The following CLUH variants were observed in gnomAD, a reference collection of about 807,000 sequenced individuals.
CLUH encodes clustered mitochondria protein homolog.
CLUH carries 77 observed loss-of-function variants against 139.3 expected under a neutral mutation model. The ratio of observed to expected loss-of-function variants is 0.55; its 90% CI spans 0.46 to 0.67. The LOEUF (loss-of-function observed/expected upper bound fraction) is 0.67. Among genes scored for constraint, CLUH ranks in the 30% least tolerant of loss-of-function variants. The pLI, the probability that CLUH is intolerant of heterozygous loss-of-function variation, is 0.00. For synonymous variants in CLUH, 999 were observed against 801.6 expected (o/e 1.25, Z -4.16); for missense variants, 1,876 against 1,875.8 (o/e 1.00, Z 0.00).
intron 13 of CLUH, chr17:2,695,871 A>T (rs2069921029): frequency 1.7e-6 from 1 of 579,014 alleles, no homozygotes; most frequent in Non-Finnish European, 3.1e-6. Flanking sequence ...GAGGAGGAGG[A>T]GGATGGGCAG....
At chr17:2,690,878 ATTC>A (rs2069598782) in intron 25 of CLUH, 101 bp from the exon 26 acceptor site, 1 of 907,044 alleles carries the variant, frequency 1.1e-6, no homozygotes, top group Non-Finnish European at 1.5e-6. Flanking sequence ...TCTGCGCTCT[ATTC>A]AGTGGGGAAT....
chr17:2,690,399 T>C lies in CLUH; in HGVS notation c.*195A>G, dbSNP rs887826695. The C allele has an allele frequency of 1.6e-5, 7 of 447,564 alleles. No homozygotes were observed. The highest frequency in any genetic ancestry group is 2.7e-5 in the Non-Finnish European group (7 of 257,314). 27.7% of individuals were successfully genotyped at this position (447,564 alleles called of 1,614,324 possible). A position where few individuals can be genotyped will look rare whatever the true frequency, so the allele number is the denominator to read the frequency against. On this transcript the variant is annotated 3_prime_UTR_variant, in exon 26 of 26. Transcript: ENST00000651024. ...TCCAATGGGGCCTCTGCATCATCTA[T>C]TCATTGAACCAGCGCAAAAACACCT...
chr17:2,711,595 GCGA>G lies in CLUH; in HGVS notation c.64_66del (p.Ser22del). 5 of 983,714 alleles carry G rather than the reference GCGA, an allele frequency of 5.1e-6. No individual in the cohort carries two copies. The highest frequency in any genetic ancestry group is 6.0e-6 in the Non-Finnish European group (5 of 829,352). 60.9% of individuals were successfully genotyped at this position (983,714 alleles called of 1,614,324 possible). On this transcript the variant is annotated inframe_deletion, in exon 1 of 26. Coordinates refer to ENST00000651024, the MANE Select transcript of CLUH (RefSeq NM_001366661.1). ...CCCGGCCGCCCCTTGCCCCCGGCCTGCGAGCCGTGTTCCCGGGCGCTGTCGGCC... is the reference window on the plus strand; with the variant it reads ...CCCGGCCGCCCCTTGCCCCCGGCCTGGCCGTGTTCCCGGGCGCTGTCGGCC...
rs1246142527 is a variant in CLUH, at chr17:2,704,371, G to C, written c.294C>G (p.Phe98Leu). Residue 98 changes from phenylalanine to leucine, a missense_variant, in exon 2 of 26, where the codon TTC (phenylalanine) becomes TTG (leucine). Transcript: ENST00000651024. This position sits in a 1 kb window ranked among gnomAD's most constrained non-coding sequence, Gnocchi z 5.7. ...VKILAPGIEPFSLQVSPQEMV... is the reference protein window; with the variant it reads ...VKILAPGIEPLSLQVSPQEMV... ...CGTTCCTCCATCTTACCTGCAGGGA[G>C]AAGGGCTCGATCCCAGGGGCGAGGA... The C allele has an allele frequency of 6.2e-7, 1 of 1,610,556 alleles. No individual in the cohort carries two copies. The highest frequency in any genetic ancestry group is 8.5e-7 in the Non-Finnish European group (1 of 1,178,578).
intron 16 of CLUH, 36 bp downstream of exon 16, chr17:2,694,821 A>AAACCCCCCCCCCCCCCCCCCCCCCC: frequency 2.1e-6 from 3 of 1,446,332 alleles, no homozygotes; most frequent in South Asian, 2.9e-5. Flanking sequence ...CATCTGCCCA[A>AAACCCCCCCCCCCCCCCCCCCCCCC]TCCCACCCAC....
rs2069551715 is a variant in CLUH at position 2,689,809 on chromosome 17, A to T, written c.*785T>A. 1 of 151,940 alleles carries T rather than the reference A, an allele frequency of 6.6e-6. No homozygotes were observed. The allele number at this position is 151,940 out of a possible 1,614,324, so 9.4% of individuals were successfully genotyped here. On this transcript the variant is annotated 3_prime_UTR_variant, in exon 26 of 26. Transcript: ENST00000651024. ...CTTCCCCCAGCCTCGCCCCCGGCCC[A>T]CTGTGCGTTCGGCAGCTCAGGTTAA...
At position 2,695,522 on chromosome 17, in the gene CLUH, T is replaced by C. The variant is rs2069905194; in HGVS notation, c.2396A>G (p.Lys799Arg). Residue 799 changes from lysine to arginine, a missense_variant, in exon 14 of 26, where the codon AAG becomes AGG. Lys to Arg is a conservative substitution (Grantham distance 26). Around this residue, in one of 3 missense-constraint regions of CLUH, gnomAD observed 1,454 missense variants for 1,384.4 expected, o/e 1.05. Transcript: ENST00000651024. ...CAGGACCGCGTGCTCCATGCAGTCC[T>C]TCACCTGCGGGCTGCAGCAGCTCAG... Reference protein sequence around the residue: ...LLSCQIPGLVKDCMEHAVLPV... With the variant: ...LLSCQIPGLVRDCMEHAVLPV... 21 of 1,599,374 alleles carry C rather than the reference T, an allele frequency of 1.3e-5. No homozygotes were observed. Among genetic ancestry groups the C allele is most frequent in the Non-Finnish European group, 1.6e-5 (19 of 1,177,718 alleles).
In CLUH at chr17:2,703,249, T is replaced by C. The variant is rs895173169; in HGVS notation, c.475+69A>G. 2 of 1,484,348 alleles carry C rather than the reference T, an allele frequency of 1.3e-6. No individual in the cohort carries two copies. Among genetic ancestry groups the C allele is most frequent in the Non-Finnish European group, 1.8e-6 (2 of 1,097,182 alleles). 91.9% of individuals were successfully genotyped at this position (1,484,348 alleles called of 1,614,324 possible). A position where few individuals can be genotyped will look rare whatever the true frequency, so the allele number is the denominator to read the frequency against. Reference sequence around the variant, plus strand: ...CATCCGTGACACAGGGACCCTGGCATGGATGGTGCTGCCTGCCTCTGCCTC... The same window carrying C: ...CATCCGTGACACAGGGACCCTGGCACGGATGGTGCTGCCTGCCTCTGCCTC... On this transcript the variant is annotated intron_variant, in intron 3 of 25. Transcript: ENST00000651024. The surrounding 1 kb of genome is among the most constrained non-coding windows in gnomAD (Gnocchi z 4.2).
Position 2,694,911 on chromosome 17 carries a change from A to T in CLUH, c.2798T>A (p.Leu933His), listed in dbSNP as rs2069873415. 6.3e-7 allele frequency: 1 copy of T among 1,592,430 alleles called. No homozygotes were observed. Among genetic ancestry groups the T allele is most frequent in the Admixed American group, 1.8e-5 (1 of 56,268 alleles). ...GGCCTCCTGGCAGATGTTCTTCCAGAGCTCCTGGGGGGTCATGACAGCCCA... is the reference window on the plus strand; with the variant it reads ...GGCCTCCTGGCAGATGTTCTTCCAGTGCTCCTGGGGGGTCATGACAGCCCA... Reference protein sequence around the residue: ...TAWAVMTPQELWKNICQEAKN... With the variant: ...TAWAVMTPQEHWKNICQEAKN... The change falls in exon 16 of 26, where the codon CTC (leucine) becomes CAC (histidine). Residue 933 changes from leucine (L) to histidine (H), a missense_variant. Physicochemically the swap from Leu to His is moderately conservative, Grantham distance 99 (BLOSUM62 -3). This residue lies in a region of CLUH where 1,454 missense variants were observed against 1,384.4 expected (regional missense o/e 1.05). Transcript: ENST00000651024.
chr17:2,694,124 C>G lies in CLUH; in HGVS notation c.3090G>C (p.Gln1030His), dbSNP rs754996649. 7 of 1,613,756 alleles carry G rather than the reference C, an allele frequency of 4.3e-6. No homozygotes were observed. The highest frequency in any genetic ancestry group is 5.9e-6 in the Non-Finnish European group (7 of 1,179,846). The change falls in exon 18 of 26, where the codon CAG (glutamine) becomes CAC (histidine). Residue 1030 changes from glutamine (Q) to histidine (H), a missense_variant and splice_region_variant. Coordinates refer to ENST00000651024, the MANE Select transcript of CLUH (RefSeq NM_001366661.1). ...FFQSGQAKVQQGFLKEGCELI... is the reference protein window; with the variant it reads ...FFQSGQAKVQHGFLKEGCELI... ...ACCCAGCCCCACCTGGCCACACACC[C>G]TGCTGCACTTTGGCCTGCCCGCTCT... is the stretch of plus-strand genomic sequence containing the variant.
In CLUH at chr17:2,698,509, C is replaced by A; in HGVS notation, c.1348G>T (p.Glu450Ter). The A allele has an allele frequency of 6.2e-7, 1 of 1,612,930 alleles. No homozygotes were observed. The change falls in exon 10 of 26, where the codon GAG becomes TAG. Residue 450 changes from glutamate to a stop codon, truncating the protein, a stop_gained. Transcript: ENST00000651024. LOFTEE classifies it high-confidence loss of function. ...DGNVMAINPS[E>*]ETKMQMFIWN... is the part of the protein sequence containing the mutation. ...ATGAACATCTGCATCTTGGTCTCCT[C>A]GCTGGGGTTGATGGCCATCACGTTG...
chr17:2,693,784 G>T, intron 19 of CLUH, 116 bp downstream of exon 19: 1 of 1,355,852 alleles, frequency 7.4e-7, no homozygotes, highest in Non-Finnish European at 9.9e-7. Flanking sequence ...GGCCTGGGCA[G>T]AACCAGCGAC....
intron 1 of CLUH, chr17:2,708,026 C>T: frequency 3.1e-6 from 3 of 983,560 alleles, no homozygotes; most frequent in Non-Finnish European, 3.6e-6. Flanking sequence ...CCAAGTCTCT[C>T]CCAGGGGAGA....
rs1822661169 is a variant in CLUH, at chr17:2,691,945, GCCCCCGCCCCGCCA to G, written c.3654+45_3655-51del. On this transcript the variant is annotated intron_variant, in intron 23 of 25. Transcript: ENST00000651024. Reference sequence around the variant, plus strand: ...GGCCCCCCCGTGCCCCCGCGGCCCCGCCCCCGCCCCGCCACGCCCCCGCCCCGCCCCCGCCCCCG... The same window carrying G: ...GGCCCCCCCGTGCCCCCGCGGCCCCGCGCCCCCGCCCCGCCCCCGCCCCCG... 14 of 1,172,288 alleles carry G rather than the reference GCCCCCGCCCCGCCA, an allele frequency of 1.2e-5. No homozygotes were observed. The South Asian group carries it at 2.4e-4, about 20-fold the overall frequency. 72.6% of individuals were successfully genotyped at this position (1,172,288 alleles called of 1,614,324 possible).
At chr17:2,708,610 T>C in intron 1 of CLUH, among the ~76,000 whole-genome samples, 1 of 151,510 alleles carries the variant, frequency 6.6e-6, no homozygotes, top group East Asian at 1.9e-4. Flanking sequence ...CATTTGGGAT[T>C]AAGTTTAAAA....
intron 1 of CLUH, among the ~76,000 whole-genome samples, chr17:2,709,859 C>T (rs1393440469): frequency 6.6e-6 from 1 of 152,162 alleles, no homozygotes; most frequent in African/African-American, 2.4e-5. Context: ...GTACTACCTT[C>T]CCAGGGACGT....
chr17:2,699,408 C>T (rs2070095854), intron 9 of CLUH, among the ~76,000 whole-genome samples: 1 of 152,200 alleles, frequency 6.6e-6, no homozygotes, highest in Non-Finnish European at 1.5e-5. Flanking sequence ...TCACTGAAGC[C>T]TCGACTTCCC....
chr17:2,691,675 G>T lies in CLUH; in HGVS notation c.3797C>A (p.Ala1266Asp). The change falls in exon 25 of 26, where the codon GCC becomes GAC. Residue 1266 changes from alanine (A) to aspartate (D), a missense_variant. This residue lies in a region of CLUH where 1,454 missense variants were observed against 1,384.4 expected (regional missense o/e 1.05). Transcript: ENST00000651024. ...CTCCAAGACGCTGGCCATGCTGGGG[G>T]CCGTGAACTGCGGGGCGGGGAAACC... Reference protein sequence around the residue: ...SANIPPLKFTAPSMASVLEQL... With the variant: ...SANIPPLKFTDPSMASVLEQL... 6.2e-7 allele frequency: 1 copy of T among 1,612,352 alleles called. No homozygotes were observed. The highest frequency in any genetic ancestry group is 8.5e-7 in the Non-Finnish European group (1 of 1,179,226).
rs755617850 is a variant in CLUH at position 2,692,604 on chromosome 17, G to A, written c.3405C>T (p.Phe1135=). The A allele has an allele frequency of 6.7e-5, 108 of 1,612,522 alleles. No homozygotes were observed. The Admixed American group carries it at 1.4e-3, about 21-fold the overall frequency. Residue 1135 remains phenylalanine, a synonymous_variant, in exon 21 of 26, where the codon TTC becomes TTT. Transcript: ENST00000651024. ...YRARYLMLLV[F]GEDHPEMALL... is the part of the protein sequence containing the mutation. ...GCGCCATCTCGGGGTGGTCTTCCCC[G>A]AACACCAGCAGCATGAGGTAGCGGG...
Sources: allele counts gnomAD v4.1 joint callset (sites outside exome capture counted in the v4.1 genomes callset), GRCh38; gene constraint gnomAD v4.1.1; regional missense constraint gnomAD v4.1.1; non-coding constraint Gnocchi (gnomAD v3.1); transcripts MANE v1.5; gene names NCBI Gene and HGNC (gene_info 2026-07-23, HGNC 2026-07-21).